The following TNRC6C variants were observed in gnomAD, a reference collection of about 807,000 sequenced individuals.
The protein encoded by TNRC6C is trinucleotide repeat containing adaptor 6C.
Under a neutral mutation model 153.7 loss-of-function variants are expected in TNRC6C, and 20 were observed. The ratio of observed to expected loss-of-function variants is 0.13; its 90% confidence interval spans 0.09 to 0.19. The LOEUF is 0.19. TNRC6C is among the 10% of genes least tolerant of loss of function. The probability of loss-of-function intolerance (pLI) is 1.00; values close to 1 mark genes in which losing one functional copy is unlikely to be tolerated. For missense variants in TNRC6C, 1,987 were observed against 2,172.0 expected (o/e 0.91, Z 1.69); for synonymous variants, 811 against 841.4 (o/e 0.96, Z 0.63).
chr17:78,107,274 TTTTG>T (rs989748994), exon 20 of TNRC6C: 3 of 152,100 alleles, frequency 2.0e-5, no homozygotes, highest in African/African-American at 7.3e-5. Flanking sequence ...TTTGTTTGTT[TTTTG>T]TTTTTTTTAC....
rs111853255 is a variant in TNRC6C, at chr17:78,104,904, C to T, written c.*59C>T. The T allele has an allele frequency of 3.9e-5, 54 of 1,371,882 alleles. No individual in the cohort carries two copies. In the African/African-American group the frequency reaches 4.7e-4, roughly 12 times the overall value. 85.0% of individuals were successfully genotyped at this position (1,371,882 alleles called of 1,614,324 possible). ...CCTCCCGGGACCCCTCCCGGCTGGG[C>T]GGCCCCACAGACCCGCTGGAACCCA... On this transcript the variant is annotated 3_prime_UTR_variant, in exon 20 of 20. Transcript: ENST00000301624. The surrounding 1 kb of genome is among the most constrained non-coding windows in gnomAD (Gnocchi z 6.2).
At chr17:78,013,520 A>C (rs2071673538) in intron 1 of TNRC6C, among the ~76,000 whole-genome samples, 1 of 152,234 alleles carries the variant, frequency 6.6e-6, no homozygotes, top group African/African-American at 2.4e-5. Context: ...TTTGCTTGGT[A>C]CTGTGCTGAT....
intron 2 of TNRC6C, among the ~76,000 whole-genome samples, chr17:78,047,190 A>G (rs1239264192): frequency 6.6e-6 from 1 of 152,126 alleles, no homozygotes; most frequent in East Asian, 1.9e-4. Context: ...TCTGTGTGTT[A>G]ACTTGGTCTT....
intron 3 of TNRC6C, among the ~76,000 whole-genome samples, chr17:78,052,742 G>A (rs924177175): frequency 2.0e-5 from 3 of 151,548 alleles, no homozygotes; most frequent in East Asian, 1.9e-4. Context: ...CAGCCTCCTC[G>A]TAGACTTCTT....
intron 5 of TNRC6C, among the ~76,000 whole-genome samples, chr17:78,068,818 G>A (rs775683475): frequency 6.6e-6 from 1 of 152,036 alleles, no homozygotes; most frequent in East Asian, 1.9e-4. Context: ...AGACACAAAT[G>A]TGCGGTCATC....
chr17:78,083,618 TTGAG>T (rs2073221275), intron 11 of TNRC6C, among the ~76,000 whole-genome samples: 1 of 152,182 alleles, frequency 6.6e-6, no homozygotes, highest in Non-Finnish European at 1.5e-5. Flanking sequence ...AAAAAATCAT[TTGAG>T]TGACTATTTT....
At chr17:77,999,735 C>G (rs1567907560), upstream of TNRC6C, among the ~76,000 whole-genome samples, 1 of 152,184 alleles carries the variant, frequency 6.6e-6, no homozygotes, top group Non-Finnish European at 1.5e-5. Flanking sequence ...CATCTGGAGG[C>G]TCTGCTGGGT....
chr17:78,056,081 C>T (rs1033238018), intron 3 of TNRC6C, among the ~76,000 whole-genome samples: 2 of 151,858 alleles, frequency 1.3e-5, no homozygotes, highest in East Asian at 3.9e-4. Context: ...AACTCCTGGC[C>T]TCAAGCCATC....
intron 1 of TNRC6C, among the ~76,000 whole-genome samples, chr17:77,990,522 G>A (rs536741277): frequency 1.5e-4 from 23 of 152,178 alleles, no homozygotes; most frequent in South Asian, 8.3e-4. Flanking sequence ...ACTTTCATGC[G>A]TGTTGTCCCC....
chr17:78,025,086 C>T (rs774823161), intron 1 of TNRC6C, among the ~76,000 whole-genome samples: 12 of 152,034 alleles, frequency 7.9e-5, no homozygotes, highest in Non-Finnish European at 2.9e-5. Flanking sequence ...TCACCGCGCC[C>T]GGCCAATACA....
In TNRC6C at chr17:78,074,726, G is replaced by C. The variant is rs557930792; in HGVS notation, c.2918-410G>C. Among the ~76,000 whole-genome samples, 25 of 152,348 alleles carry C rather than the reference G, an allele frequency of 1.6e-4. 1 individual carries two copies. Among genetic ancestry groups the C allele is most frequent in the African/African-American group, 6.0e-4 (25 of 41,594 alleles). On this transcript the variant is annotated intron_variant, in intron 7 of 19. Coordinates refer to ENST00000301624, the Ensembl canonical transcript of TNRC6C. ...CTTTTGCAGACAGAATAATCGGGAA[G>C]GCCCCTGCAAGAAAGCAACCACTGA...
chr17:78,002,905 C>G (rs2071434657), upstream of TNRC6C, among the ~76,000 whole-genome samples: 1 of 151,930 alleles, frequency 6.6e-6, no homozygotes, highest in Admixed American at 6.6e-5. Flanking sequence ...TGTAGACTCT[C>G]TAGGAAAAGA....
chr17:77,976,086 GATT>G (rs747053944), intron 1 of TNRC6C, among the ~76,000 whole-genome samples: 7 of 152,118 alleles, frequency 4.6e-5, no homozygotes, highest in Non-Finnish European at 8.8e-5. Context: ...ACTATTACAG[GATT>G]ATTGTAAGAA....
At chr17:78,071,038 T>C (rs373611929) in intron 5 of TNRC6C, 47 bp from the exon 8 acceptor site, 34 of 1,539,746 alleles carry the variant, frequency 2.2e-5, no homozygotes, top group Non-Finnish European at 3.0e-5. Context: ...TAGAAATGCA[T>C]TAAAATGTAG....
At chr17:78,084,589 G>A (rs62079061) in intron 11 of TNRC6C, among the ~76,000 whole-genome samples, 28,270 of 151,312 alleles carry the variant, frequency 0.19, 2,771 homozygotes, top group Middle Eastern at 0.21. Context: ...CCAAGGCTTG[G>A]CCCTCAGAGA....
intron 1 of TNRC6C, among the ~76,000 whole-genome samples, chr17:78,006,827 T>A (rs995509501): frequency 2.7e-5 from 4 of 146,116 alleles, no homozygotes; most frequent in South Asian, 2.1e-4. Context: ...TTTATTTATT[T>A]ATTTTTTTTT....
chr17:77,968,324 G>A (rs1056328872), intron 1 of TNRC6C, among the ~76,000 whole-genome samples: 4 of 151,580 alleles, frequency 2.6e-5, no homozygotes, highest in Non-Finnish European at 4.4e-5. Context: ...CAGCCACCGC[G>A]CCTGGCTGAG....
intron 1 of TNRC6C, among the ~76,000 whole-genome samples, chr17:77,972,961 A>G (rs1198302247): frequency 6.6e-6 from 1 of 152,234 alleles, no homozygotes; most frequent in African/African-American, 2.4e-5. Flanking sequence ...GCTGGAGTGC[A>G]ATGGCACGAT....
At chr17:77,988,612 G>A (rs990522207) in intron 1 of TNRC6C, among the ~76,000 whole-genome samples, 1 of 152,112 alleles carries the variant, frequency 6.6e-6, no homozygotes, top group Non-Finnish European at 1.5e-5. Context: ...ACCACCAGGG[G>A]CTATTATTTG....
Sources: gnomAD v4.1 joint callset for allele counts (sites outside exome capture counted in the v4.1 genomes callset) on GRCh38, gnomAD v4.1.1 for gene constraint, Gnocchi (gnomAD v3.1) non-coding constraint, MANE v1.5 for transcripts, NCBI Gene and HGNC (gene_info 2026-07-23, HGNC 2026-07-21) for gene names.